The following EVA1A variants were observed in gnomAD, a reference collection of about 807,000 sequenced individuals.
EVA1A encodes protein eva-1 homolog A.
Under a neutral mutation model 9.8 loss-of-function variants are expected in EVA1A, and 7 were observed. The ratio of observed to expected loss-of-function variants is 0.71; its 90% CI spans 0.41 to 1.34. The LOEUF is 1.34. Ranked by LOEUF, EVA1A falls within the 40% of genes most tolerant of loss-of-function variation. The pLI, the probability that EVA1A is intolerant of heterozygous loss-of-function variation, is 0.01. For missense variants in EVA1A, 206 were observed against 205.9 expected (o/e 1.00, Z 0.00); for synonymous variants, 90 against 85.6 (o/e 1.05, Z -0.28).
At position 75,541,808 on chromosome 2, in the gene EVA1A, C is replaced by T. The variant is rs1284166495; in HGVS notation, c.-192+18872G>A. 7 of 152,472 alleles carry T rather than the reference C, an allele frequency of 4.6e-5. 1 individual carries two copies. The highest frequency in any genetic ancestry group is 3.9e-4 in the East Asian group (2 of 5,190). The allele number at this position is 152,472 out of a possible 1,614,324, so 9.4% of individuals were successfully genotyped here. Reference sequence around the variant, plus strand: ...AGGATCACCCCGGATCCTTCCTCTCCGTTGTCCGGAAAAATCCTACCTCCT... The same window carrying T: ...AGGATCACCCCGGATCCTTCCTCTCTGTTGTCCGGAAAAATCCTACCTCCT... On this transcript the variant is annotated intron_variant, in intron 1 of 3. Coordinates refer to ENST00000393913, the MANE Select transcript of EVA1A (RefSeq NM_001135032.2).
intron 1 of EVA1A, among the ~76,000 whole-genome samples, chr2:75,553,597 A>G (rs79687439): frequency 1.3e-3 from 196 of 152,318 alleles, no homozygotes; most frequent in African/African-American, 4.6e-3. Flanking sequence ...AGCTGAGCAG[A>G]CACACCAAGG....
intron 1 of EVA1A, among the ~76,000 whole-genome samples, chr2:75,545,161 A>G (rs1452181762): frequency 6.6e-6 from 1 of 152,260 alleles, no homozygotes; most frequent in South Asian, 2.1e-4. Flanking sequence ...AAATCACTGT[A>G]ACATTTAATA....
chr2:75,566,051 G>C (rs1205359845), intron 1 of EVA1A, among the ~76,000 whole-genome samples: 2 of 152,070 alleles, frequency 1.3e-5, no homozygotes, highest in African/African-American at 4.8e-5. Flanking sequence ...TCCTGGCAAA[G>C]TAATGGGACT....
At chr2:75,520,213 C>T (rs1374019415) in intron 2 of EVA1A, among the ~76,000 whole-genome samples, 2 of 152,168 alleles carry the variant, frequency 1.3e-5, no homozygotes, top group African/African-American at 4.8e-5. Context: ...CTTTTGGTCA[C>T]ACTCTTCCTG....
At chr2:75,517,693 T>G in intron 3 of EVA1A, 1 of 665,606 alleles carries the variant, frequency 1.5e-6, no homozygotes, top group Non-Finnish European at 2.8e-6. Flanking sequence ...ACAGGCAGCC[T>G]GTGTGAGGTT....
In EVA1A at chr2:75,493,615, GGAA is replaced by G; in HGVS notation, c.86-9_86-7del. 1 of 1,567,028 alleles carries G rather than the reference GGAA, an allele frequency of 6.4e-7. No individual in the cohort carries two copies. The highest frequency in any genetic ancestry group is 8.7e-7 in the Non-Finnish European group (1 of 1,155,190). ...AGCTGCTCGCTCAGGATTTTCTGGAGGAAGAAGAGGAAGAAGCAAGCATTTGAG... is the reference window on the plus strand; with the variant it reads ...AGCTGCTCGCTCAGGATTTTCTGGAGGAAGAGGAAGAAGCAAGCATTTGAG... On this transcript the variant is annotated splice_region_variant and splice_polypyrimidine_tract_variant and intron_variant, in intron 3 of 3. Transcript: ENST00000393913.
At chr2:75,495,086 C>T (rs1397951671) in intron 3 of EVA1A, among the ~76,000 whole-genome samples, 1 of 152,098 alleles carries the variant, frequency 6.6e-6, no homozygotes, top group Non-Finnish European at 1.5e-5. Flanking sequence ...CCCTCACCCC[C>T]CTCCCACCAA....
At chr2:75,545,409 G>C (rs1350724807) in intron 1 of EVA1A, among the ~76,000 whole-genome samples, 3 of 152,174 alleles carry the variant, frequency 2.0e-5, no homozygotes, top group Non-Finnish European at 4.4e-5. Flanking sequence ...CATAGAGGAA[G>C]TTTTGCTTTC....
intron 3 of EVA1A, among the ~76,000 whole-genome samples, chr2:75,511,732 G>T (rs1438157036): frequency 6.6e-6 from 1 of 152,128 alleles, no homozygotes; most frequent in Non-Finnish European, 1.5e-5. Context: ...TGGTTATTGA[G>T]CCATATTCAT....
intron 1 of EVA1A, among the ~76,000 whole-genome samples, chr2:75,560,023 C>G (rs1196164163): frequency 2.0e-5 from 3 of 152,188 alleles, no homozygotes; most frequent in Non-Finnish European, 2.9e-5. Flanking sequence ...TACTGCGTGC[C>G]AACACCTCCC....
In EVA1A at chr2:75,498,202, C is replaced by T. The variant is rs549318632; in HGVS notation, c.86-4593G>A. 9.9e-5 allele frequency among the ~76,000 whole-genome samples: 15 copies of T among 150,872 alleles called. No homozygotes were observed. The South Asian group carries it at 3.1e-3, about 31-fold the overall frequency. ...CAGCAACATGGATGCAGCTGAAGGCCATTATCTTAAGCAAATTCACACAGG... is the reference window on the plus strand; with the variant it reads ...CAGCAACATGGATGCAGCTGAAGGCTATTATCTTAAGCAAATTCACACAGG... On this transcript the variant is annotated intron_variant, in intron 3 of 3. Coordinates refer to ENST00000393913, the MANE Select transcript of EVA1A (RefSeq NM_001135032.2).
chr2:75,503,045 C>T lies in EVA1A; in HGVS notation c.86-9436G>A, dbSNP rs77914254. Among the ~76,000 whole-genome samples, 8 of 152,278 alleles carry T rather than the reference C, an allele frequency of 5.3e-5. No individual in the cohort carries two copies. In the East Asian group the frequency reaches 1.5e-3, roughly 29 times the overall value. On this transcript the variant is annotated intron_variant, in intron 3 of 3. Transcript: ENST00000393913. ...AATGAGTCCACCTTGTCCTGCCTCC[C>T]AGATCAGAAAACATCCCCTTTTGTC... is the stretch of plus-strand genomic sequence containing the variant.
At chr2:75,553,855 G>A (rs1353607600) in intron 1 of EVA1A, among the ~76,000 whole-genome samples, 1 of 152,168 alleles carries the variant, frequency 6.6e-6, no homozygotes, top group Non-Finnish European at 1.5e-5. Context: ...AAATGGCATT[G>A]CTGACTCTCC....
At chr2:75,529,687 T>C (rs1675575475) in intron 1 of EVA1A, among the ~76,000 whole-genome samples, 1 of 152,170 alleles carries the variant, frequency 6.6e-6, no homozygotes, top group African/African-American at 2.4e-5. Flanking sequence ...AATTTAAAAA[T>C]TGTCTGAACT....
At position 75,493,336 on chromosome 2, in the gene EVA1A, C is replaced by T. The variant is rs1674094343; in HGVS notation, c.359G>A (p.Arg120His). The change falls in exon 4 of 4, where the codon CGC becomes CAC. Residue 120 changes from arginine to histidine, a missense_variant. By Grantham distance (29) the Arg-to-His change is conservative (BLOSUM62 0). Transcript: ENST00000393913. ...NVFTSAEELE[R>H]AQRLEERERI... is the part of the protein sequence containing the mutation. ...CTCGCGCTCCTCCAGCCGCTGGGCG[C>T]GCTCCAGCTCCTCCGCAGAGGTGAA... 10 of 1,614,178 alleles carry T rather than the reference C, an allele frequency of 6.2e-6. No individual in the cohort carries two copies. Among genetic ancestry groups the T allele is most frequent in the Non-Finnish European group, 7.6e-6 (9 of 1,180,014 alleles).
intron 2 of EVA1A, among the ~76,000 whole-genome samples, chr2:75,521,791 C>T (rs1675238939): frequency 6.6e-6 from 1 of 152,120 alleles, no homozygotes; most frequent in Non-Finnish European, 1.5e-5. Context: ...TGCCACTGAA[C>T]TATACACTTA....
chr2:75,565,999 A>G (rs76521652), intron 1 of EVA1A, among the ~76,000 whole-genome samples: 1 of 151,820 alleles, frequency 6.6e-6, no homozygotes, highest in Non-Finnish European at 1.5e-5. Flanking sequence ...TTCTCTCTCT[A>G]TCTCTCTCTT....
intron 1 of EVA1A, among the ~76,000 whole-genome samples, chr2:75,553,827 C>G (rs1045642370): frequency 1.3e-5 from 2 of 152,086 alleles, no homozygotes; most frequent in African/African-American, 4.8e-5. Context: ...ATTAAAGGAC[C>G]GAGGTCTCAT....
At chr2:75,554,861 A>G (rs1415237323) in intron 1 of EVA1A, among the ~76,000 whole-genome samples, 1 of 152,148 alleles carries the variant, frequency 6.6e-6, no homozygotes, top group Non-Finnish European at 1.5e-5. Flanking sequence ...GGCTGGATTG[A>G]GTCTTCTTCT....
Sources: gnomAD v4.1 joint callset for allele counts (sites outside exome capture counted in the v4.1 genomes callset) on GRCh38, gnomAD v4.1.1 for gene constraint, MANE v1.5 for transcripts, NCBI Gene and HGNC (gene_info 2026-07-23, HGNC 2026-07-21) for gene names.